The following SV2B variants were observed in gnomAD, a reference collection of about 807,000 sequenced individuals.
SV2B encodes the protein synaptic vesicle glycoprotein 2B, also known as solute carrier family 22 member B2.
Under a neutral mutation model 73.9 loss-of-function variants are expected in SV2B, and 41 were observed. The observed-to-expected ratio is 0.56, with a 90% confidence interval of 0.43 to 0.72. The LOEUF (loss-of-function observed/expected upper bound fraction) is 0.72. Among genes scored for constraint, SV2B ranks in the 30% least tolerant of loss-of-function variants. The probability of loss-of-function intolerance (pLI) is 0.00; values close to 1 mark genes in which losing one functional copy is unlikely to be tolerated. For missense variants in SV2B, 764 were observed against 857.8 expected (o/e 0.89, Z 1.37); for synonymous variants, 314 against 314.2 (o/e 1.00, Z 0.01).
At position 91,288,040 on chromosome 15, in the gene SV2B, CTGATAAGAAAG is replaced by C. The variant is rs2048920506; in HGVS notation, c.1709-1479_1709-1469del. 6.6e-6 allele frequency among the ~76,000 whole-genome samples: 1 copy of C among 152,146 alleles called. No homozygotes were observed. Among genetic ancestry groups the C allele is most frequent in the African/African-American group, 2.4e-5 (1 of 41,418 alleles). On this transcript the variant is annotated intron_variant, in intron 11 of 12. Coordinates refer to ENST00000394232, the MANE Select transcript of SV2B (RefSeq NM_001323032.3). The surrounding 1 kb of genome is among the most constrained non-coding windows in gnomAD (Gnocchi z 5.8). Reference sequence around the variant, plus strand: ...TACTCCAGCCACCTTCCCCTCCCAACTGATAAGAAAGTCCATGGGGTTAGCGTGTAGAGGGT... The same window carrying C: ...TACTCCAGCCACCTTCCCCTCCCAACTCCATGGGGTTAGCGTGTAGAGGGT...
intron 9 of SV2B, among the ~76,000 whole-genome samples, chr15:91,279,896 G>T (rs191570311): frequency 1.3e-5 from 2 of 152,344 alleles, no homozygotes; most frequent in Admixed American, 1.3e-4. Flanking sequence ...GAAATCTGAA[G>T]AATTTAGTGA....
At chr15:91,202,014 G>T (rs1205650407) in intron 1 of SV2B, among the ~76,000 whole-genome samples, 1 of 152,082 alleles carries the variant, frequency 6.6e-6, no homozygotes, top group East Asian at 1.9e-4. Flanking sequence ...CTTTGTGCTT[G>T]CCCCCTTTAC....
intron 5 of SV2B, 48 bp from the exon 6 acceptor site, chr15:91,260,272 G>A (rs1247628901): frequency 2.6e-6 from 4 of 1,528,414 alleles, no homozygotes; most frequent in African/African-American, 1.4e-5. Context: ...TGAACAGAAG[G>A]CATAGTCAGC....
At chr15:91,279,457 T>G (rs1043832578) in intron 9 of SV2B, among the ~76,000 whole-genome samples, 2 of 152,258 alleles carry the variant, frequency 1.3e-5, no homozygotes, top group East Asian at 3.8e-4. Flanking sequence ...TAACATTTCT[T>G]TCATCTTTTG....
rs113962735 is a variant in SV2B at position 91,238,136 on chromosome 15, C to T, written c.451+11422C>T. Among the ~76,000 whole-genome samples the T allele has an allele frequency of 2.5e-3, 382 of 152,264 alleles. 3 individuals are homozygous for T. The highest frequency in any genetic ancestry group is 8.7e-3 in the African/African-American group (361 of 41,560). On this transcript the variant is annotated intron_variant, in intron 2 of 12. Coordinates refer to ENST00000394232, the MANE Select transcript of SV2B (RefSeq NM_001323032.3). ...TCATAGAAAGCAAAAGAAACTGATACGAATAAATCAGTTGTTTCCCACTGT... is the reference window on the plus strand; with the variant it reads ...TCATAGAAAGCAAAAGAAACTGATATGAATAAATCAGTTGTTTCCCACTGT...
chr15:91,111,516 C>T (rs1048663017), intron 1 of SV2B, among the ~76,000 whole-genome samples: 7 of 151,988 alleles, frequency 4.6e-5, no homozygotes, highest in African/African-American at 1.2e-4. Flanking sequence ...GGAAAGAAGA[C>T]GGGGGGCCAG....
chr15:91,167,616 C>G (rs565927983), intron 1 of SV2B, among the ~76,000 whole-genome samples: 19 of 152,084 alleles, frequency 1.2e-4, no homozygotes, highest in African/African-American at 4.3e-4. Context: ...ATAGAAGGGC[C>G]CTGTGATTAC....
In SV2B at chr15:91,229,410, A is replaced by G. The variant is rs762449975; in HGVS notation, c.451+2696A>G. ...ACCAGCGCTTGTTGCCCTCTCAACAATGATTAGTTCTCGTTACTTTATATT... is the reference window on the plus strand; with the variant it reads ...ACCAGCGCTTGTTGCCCTCTCAACAGTGATTAGTTCTCGTTACTTTATATT... On this transcript the variant is annotated intron_variant, in intron 2 of 12. Transcript: ENST00000394232. This position sits in a 1 kb window ranked among gnomAD's most constrained non-coding sequence, Gnocchi z 4.3. Among the ~76,000 whole-genome samples, 13 of 152,200 alleles carry G rather than the reference A, an allele frequency of 8.5e-5. No individual in the cohort carries two copies. The highest frequency in any genetic ancestry group is 1.6e-4 in the Non-Finnish European group (11 of 68,026).
chr15:91,161,121 A>ATATC (rs2141248938), intron 1 of SV2B, among the ~76,000 whole-genome samples: 1 of 152,300 alleles, frequency 6.6e-6, no homozygotes, highest in Admixed American at 6.5e-5. Context: ...ACATATGGAG[A>ATATC]TGGGTGGTTT....
chr15:91,106,483 T>C lies in SV2B; in HGVS notation c.-392+6120T>C, dbSNP rs1412468362. Among the ~76,000 whole-genome samples, 2 of 152,028 alleles carry C rather than the reference T, an allele frequency of 1.3e-5. No homozygotes were observed. The highest frequency in any genetic ancestry group is 2.9e-5 in the Non-Finnish European group (2 of 68,026). ...GACTGCAAATCTTTGCTTTGGTGGA[T>C]TTTGAAGTGTAACTCCTTGAAGTTA... On this transcript the variant is annotated intron_variant, in intron 1 of 12. Coordinates refer to ENST00000394232, the MANE Select transcript of SV2B (RefSeq NM_001323032.3). The surrounding 1 kb of genome is among the most constrained non-coding windows in gnomAD (Gnocchi z 4.4).
intron 1 of SV2B, among the ~76,000 whole-genome samples, chr15:91,176,361 G>T (rs892836405): frequency 1.3e-5 from 2 of 151,674 alleles, no homozygotes; most frequent in African/African-American, 4.8e-5. Flanking sequence ...ACATGTGCAT[G>T]TGTCTTTATA....
chr15:91,289,766 C>T lies in SV2B; in HGVS notation c.1868+86C>T. The T allele has an allele frequency of 7.1e-7, 1 of 1,416,810 alleles. No homozygotes were observed. Among genetic ancestry groups the T allele is most frequent in the Non-Finnish European group, 9.5e-7 (1 of 1,048,038 alleles). 87.8% of individuals were successfully genotyped at this position (1,416,810 alleles called of 1,614,324 possible). A position where few individuals can be genotyped will look rare whatever the true frequency, so the allele number is the denominator to read the frequency against. On this transcript the variant is annotated intron_variant, in intron 12 of 12. Coordinates refer to ENST00000394232, the MANE Select transcript of SV2B (RefSeq NM_001323032.3). The surrounding 1 kb of genome is among the most constrained non-coding windows in gnomAD (Gnocchi z 4.9). The stretch of plus-strand genomic sequence containing the variant: ...CCTGCTCCCTAAATCTCATGCTGTG[C>T]ATGGCCATCGTGGTCTTTCTGCTGT...
chr15:91,217,450 G>A (rs1054500235), intron 1 of SV2B, among the ~76,000 whole-genome samples: 13 of 152,080 alleles, frequency 8.5e-5, no homozygotes, highest in Non-Finnish European at 1.5e-4. Flanking sequence ...AGCATTAGGA[G>A]ATATACCTAA....
chr15:91,213,118 A>T (rs1231663163), intron 1 of SV2B, among the ~76,000 whole-genome samples: 2 of 152,154 alleles, frequency 1.3e-5, no homozygotes, highest in East Asian at 3.9e-4. Context: ...GTGCCACTGC[A>T]CTCCAGCCTG....
At position 91,267,885 on chromosome 15, in the gene SV2B, C is replaced by T. The variant is rs1180322713; in HGVS notation, c.1208+242C>T. Among the ~76,000 whole-genome samples, 2 of 151,998 alleles carry T rather than the reference C, an allele frequency of 1.3e-5. No homozygotes were observed. Among genetic ancestry groups the T allele is most frequent in the Non-Finnish European group, 2.9e-5 (2 of 68,000 alleles). Reference sequence around the variant, plus strand: ...TGGCATGGGCTTGGCTCACTGCAGCCTGTGCCTCCTGGGTTCAAGCTATTC... The same window carrying T: ...TGGCATGGGCTTGGCTCACTGCAGCTTGTGCCTCCTGGGTTCAAGCTATTC... On this transcript the variant is annotated intron_variant, in intron 8 of 12. Transcript: ENST00000394232. The surrounding 1 kb of genome is among the most constrained non-coding windows in gnomAD (Gnocchi z 4.3).
At chr15:91,196,587 C>T (rs371375905) in intron 1 of SV2B, among the ~76,000 whole-genome samples, 2 of 152,102 alleles carry the variant, frequency 1.3e-5, no homozygotes, top group Admixed American at 6.5e-5. Flanking sequence ...GGGCCCTTGA[C>T]GCCATGTTAG....
chr15:91,146,320 A>C (rs2043145700), intron 1 of SV2B, among the ~76,000 whole-genome samples: 1 of 151,998 alleles, frequency 6.6e-6, no homozygotes, highest in Non-Finnish European at 1.5e-5. Flanking sequence ...CTCTTTATGA[A>C]CCAGTACCAT....
chr15:91,184,849 T>A (rs949464452), intron 1 of SV2B, among the ~76,000 whole-genome samples: 2 of 152,242 alleles, frequency 1.3e-5, no homozygotes, highest in Non-Finnish European at 2.9e-5. Context: ...GTCTTAAGTT[T>A]TCTCAGGATA....
At position 91,124,735 on chromosome 15, in the gene SV2B, C is replaced by A. The variant is rs1159157499; in HGVS notation, c.-392+24372C>A. Among the ~76,000 whole-genome samples, 2 of 151,998 alleles carry A rather than the reference C, an allele frequency of 1.3e-5. No homozygotes were observed. Among genetic ancestry groups the A allele is most frequent in the African/African-American group, 2.4e-5 (1 of 41,354 alleles). On this transcript the variant is annotated intron_variant, in intron 1 of 12. Coordinates refer to ENST00000394232, the MANE Select transcript of SV2B (RefSeq NM_001323032.3). This position sits in a 1 kb window ranked among gnomAD's most constrained non-coding sequence, Gnocchi z 4.6. ...GTGGCACTATCTTGGCTCACTGCAA[C>A]CTCCACCTCCTGGGTTCAAGCGATT... is the stretch of plus-strand genomic sequence containing the variant.
Sources: allele counts gnomAD v4.1 joint callset (sites outside exome capture counted in the v4.1 genomes callset), GRCh38; gene constraint gnomAD v4.1.1; non-coding constraint Gnocchi (gnomAD v3.1); transcripts MANE v1.5; gene names NCBI Gene and HGNC (gene_info 2026-07-23, HGNC 2026-07-21).